SPECC1L: variants seen among roughly 807,000 people sequenced by gnomAD.
The protein encoded by SPECC1L is sperm antigen with calponin homology and coiled-coil domains 1 like.
Under a neutral mutation model 116.8 loss-of-function variants are expected in SPECC1L, and 40 were observed. The ratio of observed to expected loss-of-function variants is 0.34; its 90% CI spans 0.27 to 0.45. The LOEUF is 0.45. Among genes scored for constraint, SPECC1L ranks in the 20% least tolerant of loss-of-function variants. The probability of loss-of-function intolerance (pLI) is 1.00; values close to 1 mark genes in which losing one functional copy is unlikely to be tolerated. For synonymous variants in SPECC1L, 504 were observed against 500.6 expected (o/e 1.01, Z -0.09); for missense variants, 1,110 against 1,373.6 (o/e 0.81, Z 3.03).
Position 24,363,338 on chromosome 22 carries a change from C to A in SPECC1L, c.2821C>A (p.Leu941Ile). The change falls in exon 12 of 17, where the codon CTC becomes ATC. Residue 941 changes from leucine (L) to isoleucine (I), a missense_variant. Physicochemically the swap from Leu to Ile is conservative, Grantham distance 5 (BLOSUM62 2). This residue lies in a region of SPECC1L where 575 missense variants were observed against 682.4 expected (regional missense o/e 0.84). Coordinates refer to ENST00000314328, the MANE Select transcript of SPECC1L (RefSeq NM_015330.6). ...GCCTGCGATGGAAAGTGCCAAGACC[C>A]TCTCAGGTGATGACTTTCATCTGAA... ...RVPAMESAKT[L>I]SVSRRSSEEV... 6.2e-7 allele frequency: 1 copy of A among 1,613,818 alleles called. No individual in the cohort carries two copies. Among genetic ancestry groups the A allele is most frequent in the Non-Finnish European group, 8.5e-7 (1 of 1,179,690 alleles).
chr22:24,318,390 G>A (rs554006883), intron 4 of SPECC1L, among the ~76,000 whole-genome samples: 26 of 152,230 alleles, frequency 1.7e-4, no homozygotes, highest in African/African-American at 5.1e-4. Context: ...GCGTGGCGGC[G>A]CGCGCCTGCA....
At chr22:24,294,524 G>A (rs1261715258) in intron 2 of SPECC1L, among the ~76,000 whole-genome samples, 1 of 151,408 alleles carries the variant, frequency 6.6e-6, no homozygotes, top group Non-Finnish European at 1.5e-5. Flanking sequence ...TGGGATTACA[G>A]GCACGCACCA....
At chr22:24,353,112 A>G (rs2041458419) in intron 11 of SPECC1L, among the ~76,000 whole-genome samples, 1 of 152,238 alleles carries the variant, frequency 6.6e-6, no homozygotes, top group Admixed American at 6.5e-5. Flanking sequence ...CATCCTACAT[A>G]ACTATAGAAC....
intron 2 of SPECC1L, among the ~76,000 whole-genome samples, chr22:24,288,147 T>A (rs575045729): frequency 9.2e-5 from 14 of 151,954 alleles, no homozygotes; most frequent in East Asian, 3.9e-4. Context: ...ATGAGACCTT[T>A]TTTACGGAAC....
intron 1 of SPECC1L, among the ~76,000 whole-genome samples, chr22:24,276,237 A>G (rs2048834203): frequency 6.6e-6 from 1 of 152,110 alleles, no homozygotes; most frequent in South Asian, 2.1e-4. Flanking sequence ...ATAATTAGCC[A>G]GGTGTATGTA....
chr22:24,356,851 G>A (rs1334975433), intron 11 of SPECC1L, among the ~76,000 whole-genome samples: 2 of 151,970 alleles, frequency 1.3e-5, no homozygotes, highest in African/African-American at 4.8e-5. Context: ...TTAGGTTAGG[G>A]TTTGTCAGCC....
chr22:24,322,259 A>G lies in SPECC1L; in HGVS notation c.1279A>G (p.Ile427Val). The G allele has an allele frequency of 6.2e-7, 1 of 1,614,234 alleles. No individual in the cohort carries two copies. Among genetic ancestry groups the G allele is most frequent in the Non-Finnish European group, 8.5e-7 (1 of 1,180,050 alleles). ...GCAAGAGCTAGCTGATTTACAGCAG[A>G]TTACCCAGGAACTGAATAGTGAAAA... ...TLQELADLQQITQELNSENER... is the reference protein window; with the variant it reads ...TLQELADLQQVTQELNSENER... The change falls in exon 5 of 17, where the codon ATT becomes GTT. Residue 427 changes from isoleucine (I) to valine (V), a missense_variant. Ile to Val is a conservative substitution (Grantham distance 29). Around this residue, in one of 4 missense-constraint regions of SPECC1L, gnomAD observed 22 missense variants for 60.1 expected, o/e 0.37. Coordinates refer to ENST00000314328, the MANE Select transcript of SPECC1L (RefSeq NM_015330.6).
intron 11 of SPECC1L, among the ~76,000 whole-genome samples, chr22:24,354,892 C>A (rs2041499013): frequency 6.6e-6 from 1 of 151,800 alleles, no homozygotes; most frequent in Non-Finnish European, 1.5e-5. Context: ...CCTTGTGATT[C>A]ACCCACGTCG....
chr22:24,380,197 A>C (rs1478967753), intron 14 of SPECC1L, among the ~76,000 whole-genome samples: 1 of 152,188 alleles, frequency 6.6e-6, no homozygotes, highest in Non-Finnish European at 1.5e-5. Context: ...TTAAAACTGA[A>C]AGCCATATCT....
intron 14 of SPECC1L, among the ~76,000 whole-genome samples, chr22:24,382,611 G>A (rs2065453443): frequency 6.7e-6 from 1 of 148,348 alleles, no homozygotes; most frequent in South Asian, 2.1e-4. Context: ...GCTGAGGCAA[G>A]AGAATGGCGT....
chr22:24,384,492 T>C lies in SPECC1L; in HGVS notation c.3087+15172T>C, dbSNP rs143161078. On this transcript the variant is annotated intron_variant, in intron 14 of 16. Coordinates refer to ENST00000314328, the MANE Select transcript of SPECC1L (RefSeq NM_015330.6). ...AATAAAAATATCTTGTTTAAAGATA[T>C]ATGTAGCTTGAAAATTTAAGATAAA... is the stretch of plus-strand genomic sequence containing the variant. Among the ~76,000 whole-genome samples the C allele has an allele frequency of 5.7e-4, 87 of 152,310 alleles. 3 individuals carry two copies. In the East Asian group the frequency reaches 0.015, roughly 27 times the overall value.
At chr22:24,295,589 G>A (rs1171238236) in intron 2 of SPECC1L, among the ~76,000 whole-genome samples, 1 of 151,990 alleles carries the variant, frequency 6.6e-6, no homozygotes, top group African/African-American at 2.4e-5. Flanking sequence ...TAAATATTCT[G>A]CTCTAAGAAA....
At chr22:24,310,101 T>A (rs146121048) in intron 3 of SPECC1L, among the ~76,000 whole-genome samples, 3 of 152,322 alleles carry the variant, frequency 2.0e-5, no homozygotes, top group African/African-American at 7.2e-5. Flanking sequence ...ACACAAAAGG[T>A]GGCAAAATAT....
chr22:24,298,402 C>T (rs979528307), intron 2 of SPECC1L, among the ~76,000 whole-genome samples: 3 of 152,076 alleles, frequency 2.0e-5, no homozygotes, highest in Non-Finnish European at 2.9e-5. Context: ...TTTAGGCATC[C>T]GTAGGGGTTC....
chr22:24,281,077 TTA>T (rs2048934121), intron 2 of SPECC1L, among the ~76,000 whole-genome samples: 1 of 152,168 alleles, frequency 6.6e-6, no homozygotes, highest in Non-Finnish European at 1.5e-5. Flanking sequence ...GGAGTTAGAC[TTA>T]AGGTAGTATG....
chr22:24,406,297 G>GCCA (rs1002316984), intron 14 of SPECC1L, among the ~76,000 whole-genome samples: 2 of 152,164 alleles, frequency 1.3e-5, no homozygotes, highest in African/African-American at 4.8e-5. Flanking sequence ...GGCAGGTCTG[G>GCCA]GGGCCGCCTG....
chr22:24,379,059 G>T (rs1030368208), intron 14 of SPECC1L, among the ~76,000 whole-genome samples: 1 of 151,986 alleles, frequency 6.6e-6, no homozygotes, highest in Non-Finnish European at 1.5e-5. Context: ...ATGCTGTTAG[G>T]TGTCTTCATA....
At position 24,358,289 on chromosome 22, in the gene SPECC1L, G is replaced by A. The variant is rs553474158; in HGVS notation, c.2744-4972G>A. Among the ~76,000 whole-genome samples, 4 of 151,854 alleles carry A rather than the reference G, an allele frequency of 2.6e-5. No individual in the cohort carries two copies. In the East Asian group the frequency reaches 7.8e-4, roughly 29 times the overall value. The stretch of plus-strand genomic sequence containing the variant: ...ACCACCATGTCCGGCTAATGTTTTT[G>A]TAGAGGTGGGGTCTTGCTGTGTTGC... On this transcript the variant is annotated intron_variant, in intron 11 of 16. Transcript: ENST00000314328.
intron 2 of SPECC1L, among the ~76,000 whole-genome samples, chr22:24,289,039 A>G (rs2049106812): frequency 2.0e-5 from 3 of 152,244 alleles, no homozygotes; most frequent in Admixed American, 2.0e-4. Context: ...AAATGTACAA[A>G]TAGATTGATG....
Sources: allele counts gnomAD v4.1 joint callset (sites outside exome capture counted in the v4.1 genomes callset), GRCh38; gene constraint gnomAD v4.1.1; regional missense constraint gnomAD v4.1.1; transcripts MANE v1.5; gene names NCBI Gene and HGNC (gene_info 2026-07-23, HGNC 2026-07-21).